HS6ST3: variants seen among roughly 807,000 people sequenced by gnomAD.
The protein encoded by HS6ST3 is heparan sulfate 6-O-sulfotransferase 3.
HS6ST3 carries 12 observed loss-of-function variants against 36.7 expected under a neutral mutation model. The ratio of observed to expected loss-of-function variants is 0.33; its 90% CI spans 0.21 to 0.53. HS6ST3 has a LOEUF of 0.53. Among genes scored for constraint, HS6ST3 ranks in the 20% least tolerant of loss-of-function variants. The pLI is 0.95. For synonymous variants in HS6ST3, 240 were observed against 257.5 expected, an observed-to-expected ratio of 0.93 and a Z score of 0.65; for missense variants, 584 against 640.9, an observed-to-expected ratio of 0.91 and a Z score of 0.96.
Position 96,519,217 on chromosome 13 carries a change from C to A in HS6ST3, c.708-313273C>A, listed in dbSNP as rs1435013252. ...CGCAAGGTTAATGCTGCCTTTGAGT[C>A]ACTTTGTTAATGACTGGTGGTCTCA... On this transcript the variant is annotated intron_variant, in intron 1 of 1. Coordinates refer to ENST00000376705, the MANE Select transcript of HS6ST3 (RefSeq NM_153456.4). Among the ~76,000 whole-genome samples, 5 of 152,278 alleles carry A rather than the reference C, an allele frequency of 3.3e-5. No individual in the cohort carries two copies. The South Asian group carries it at 1.0e-3, about 32-fold the overall frequency.
chr13:96,536,217 CT>C (rs2056154710), intron 1 of HS6ST3, among the ~76,000 whole-genome samples: 1 of 152,186 alleles, frequency 6.6e-6, no homozygotes, highest in Non-Finnish European at 1.5e-5. Flanking sequence ...TTGTTAAAGC[CT>C]TTTCCTGGTA....
rs1341071599 is a variant in HS6ST3 at position 96,118,671 on chromosome 13, TATATATATATATATATA to T, written c.707+27103_707+27119del. On this transcript the variant is annotated intron_variant, in intron 1 of 1. Coordinates refer to ENST00000376705, the MANE Select transcript of HS6ST3 (RefSeq NM_153456.4). Reference sequence around the variant, plus strand: ...ATATATATATATATATATATATATATATATATATATATATATATTTTTTTTTTTTTTTTTTTTTTTTT... The same window carrying T: ...ATATATATATATATATATATATATATTTTTTTTTTTTTTTTTTTTTTTTTT... Among the ~76,000 whole-genome samples, 184 of 19,728 alleles carry T rather than the reference TATATATATATATATATA, an allele frequency of 9.3e-3. 2 individuals carry two copies. The highest frequency in any genetic ancestry group is 0.026 in the South Asian group (10 of 380). 12.9% of individuals were successfully genotyped at this position (19,728 alleles called of 152,430 possible).
At chr13:96,196,723 C>T (rs1290672249) in intron 1 of HS6ST3, among the ~76,000 whole-genome samples, 1 of 152,188 alleles carries the variant, frequency 6.6e-6, no homozygotes, top group Non-Finnish European at 1.5e-5. Context: ...AGGTGGGCAG[C>T]AGCAACCACG....
chr13:96,516,806 A>C (rs1383609611), intron 1 of HS6ST3, among the ~76,000 whole-genome samples: 2 of 152,162 alleles, frequency 1.3e-5, no homozygotes, highest in Admixed American at 6.5e-5. Flanking sequence ...AGTATAACAA[A>C]CGACCCCAAA....
At chr13:96,108,182 G>A (rs1160821105) in intron 1 of HS6ST3, among the ~76,000 whole-genome samples, 2 of 152,176 alleles carry the variant, frequency 1.3e-5, no homozygotes, top group East Asian at 3.9e-4. Flanking sequence ...TGCATTCCCA[G>A]GGGGAGGCCT....
At chr13:96,667,155 A>T (rs2138428495) in intron 1 of HS6ST3, among the ~76,000 whole-genome samples, 1 of 152,348 alleles carries the variant, frequency 6.6e-6, no homozygotes, top group East Asian at 1.9e-4. Flanking sequence ...TATAAATCAT[A>T]TTGAATATGA....
chr13:96,539,011 G>A (rs1291598320), intron 1 of HS6ST3, among the ~76,000 whole-genome samples: 4 of 152,020 alleles, frequency 2.6e-5, no homozygotes, highest in Non-Finnish European at 5.9e-5. Context: ...TCCAATATCT[G>A]CTTGGGCTGT....
At chr13:96,349,700 C>T (rs2055172864) in intron 1 of HS6ST3, among the ~76,000 whole-genome samples, 1 of 152,028 alleles carries the variant, frequency 6.6e-6, no homozygotes, top group African/African-American at 2.4e-5. Context: ...ATTTAAACTG[C>T]TTTGTTCATT....
At chr13:96,369,278 G>A (rs1013749571) in intron 1 of HS6ST3, among the ~76,000 whole-genome samples, 2 of 152,036 alleles carry the variant, frequency 1.3e-5, no homozygotes, top group Non-Finnish European at 2.9e-5. Flanking sequence ...AGCAGCAACC[G>A]GGAGATACTC....
At chr13:96,584,010 A>G (rs2056351912) in intron 1 of HS6ST3, among the ~76,000 whole-genome samples, 1 of 152,192 alleles carries the variant, frequency 6.6e-6, no homozygotes, top group Admixed American at 6.5e-5. Flanking sequence ...CCTGGTTGAG[A>G]ATCGCTAAAG....
At chr13:96,719,255 C>G (rs1167429160) in intron 1 of HS6ST3, among the ~76,000 whole-genome samples, 3 of 148,758 alleles carry the variant, frequency 2.0e-5, no homozygotes, top group Admixed American at 6.7e-5. Context: ...GCCTGGGTGA[C>G]AGAGCAAGAC....
rs139899959 is a variant in HS6ST3, at chr13:96,634,517, T to G, written c.708-197973T>G. On this transcript the variant is annotated intron_variant, in intron 1 of 1. Transcript: ENST00000376705. ...GACTTAGTCTCCTCCATTCATTCAT[T>G]TATATATTTAGCAAACACTCAGTAT... Among the ~76,000 whole-genome samples the G allele has an allele frequency of 6.3e-4, 96 of 152,238 alleles. No homozygotes were observed. The East Asian group carries it at 0.018, about 29-fold the overall frequency.
At chr13:96,501,671 T>C (rs946443277) in intron 1 of HS6ST3, among the ~76,000 whole-genome samples, 16 of 152,234 alleles carry the variant, frequency 1.1e-4, no homozygotes, top group Admixed American at 9.8e-4. Context: ...AATGCTGCCT[T>C]TTCCCAAAAT....
intron 1 of HS6ST3, among the ~76,000 whole-genome samples, chr13:96,356,855 G>T (rs750534120): frequency 6.6e-6 from 1 of 152,144 alleles, no homozygotes; most frequent in Non-Finnish European, 1.5e-5. Flanking sequence ...ATCCTAGATG[G>T]TATTCTTTTC....
At chr13:96,611,129 AATTT>A (rs959858816) in intron 1 of HS6ST3, among the ~76,000 whole-genome samples, 32 of 142,476 alleles carry the variant, frequency 2.2e-4, no homozygotes, top group Non-Finnish European at 3.9e-4. Context: ...TATTTTTTTA[AATTT>A]ATTTATTTAT....
chr13:96,225,783 T>G (rs1448410673), intron 1 of HS6ST3, among the ~76,000 whole-genome samples: 1 of 152,216 alleles, frequency 6.6e-6, no homozygotes, highest in African/African-American at 2.4e-5. Context: ...CAACTAAAAT[T>G]GATGAAAGTT....
In HS6ST3 at chr13:96,741,268, A is replaced by G. The variant is rs113422044; in HGVS notation, c.708-91222A>G. On this transcript the variant is annotated intron_variant, in intron 1 of 1. Coordinates refer to ENST00000376705, the MANE Select transcript of HS6ST3 (RefSeq NM_153456.4). Reference sequence around the variant, plus strand: ...CGAAGATTCCCTTGCTATTTTACCTAGCCTAATCTATTTCAAAAGCTTCTC... The same window carrying G: ...CGAAGATTCCCTTGCTATTTTACCTGGCCTAATCTATTTCAAAAGCTTCTC... Among the ~76,000 whole-genome samples, 417 of 152,276 alleles carry G rather than the reference A, an allele frequency of 2.7e-3. 1 individual carries two copies. Among genetic ancestry groups the G allele is most frequent in the African/African-American group, 9.5e-3 (393 of 41,570 alleles).
intron 1 of HS6ST3, among the ~76,000 whole-genome samples, chr13:96,526,758 A>T (rs2056116052): frequency 6.6e-6 from 1 of 152,190 alleles, no homozygotes; most frequent in East Asian, 1.9e-4. Flanking sequence ...GGGAGAAAGC[A>T]AATGCTGTGA....
chr13:96,580,686 G>A (rs1015720897), intron 1 of HS6ST3, among the ~76,000 whole-genome samples: 5 of 151,980 alleles, frequency 3.3e-5, no homozygotes, highest in African/African-American at 7.2e-5. Flanking sequence ...GGTGCATGAC[G>A]AAAATAAATT....
Sources: gnomAD v4.1 joint callset for allele counts (sites outside exome capture counted in the v4.1 genomes callset) on GRCh38, gnomAD v4.1.1 for gene constraint, MANE v1.5 for transcripts, NCBI Gene and HGNC (gene_info 2026-07-23, HGNC 2026-07-21) for gene names.